The following CYP2C18 variants were observed in gnomAD, a reference collection of about 807,000 sequenced individuals.
The protein encoded by CYP2C18 is cytochrome P450 2C18.
In CYP2C18, 38 loss-of-function variants were observed where a neutral mutation model predicts 41.3. The ratio of observed to expected loss-of-function variants is 0.92; its 90% confidence interval spans 0.71 to 1.21. The LOEUF (loss-of-function observed/expected upper bound fraction) is 1.21. Ranked by LOEUF, CYP2C18 falls within the 50% of genes most tolerant of loss-of-function variation. CYP2C18 has a pLI of 0.00. For synonymous variants in CYP2C18, 236 were observed against 210.0 expected (o/e 1.12, Z -1.07); for missense variants, 635 against 591.4 (o/e 1.07, Z -0.77).
chr10:94,730,990 G>A (rs954884850), intron 7 of CYP2C18, among the ~76,000 whole-genome samples: 1 of 151,986 alleles, frequency 6.6e-6, no homozygotes, highest in African/African-American at 2.4e-5. Flanking sequence ...ATCTCTTTAA[G>A]GAAAACTGCA....
At chr10:94,727,263 G>A (rs116171901) in intron 7 of CYP2C18, among the ~76,000 whole-genome samples, 201 of 152,170 alleles carry the variant, frequency 1.3e-3, no homozygotes, top group African/African-American at 4.6e-3. Flanking sequence ...ATTTACTTGC[G>A]TGGAGTGAAT....
Position 94,712,008 on chromosome 10 carries a change from A to ATTTTTTTTTTTTTTTTTTTTTT in CYP2C18, c.819+5068_819+5069insTTTTTTTTTTTTTTTTTTTTTT, listed in dbSNP as rs35672164. Among the ~76,000 whole-genome samples the ATTTTTTTTTTTTTTTTTTTTTT allele has an allele frequency of 7.1e-4, 69 of 97,866 alleles. 5 individuals carry two copies. Among genetic ancestry groups the ATTTTTTTTTTTTTTTTTTTTTT allele is most frequent in the Admixed American group, 2.4e-3 (22 of 9,330 alleles). The allele number at this position is 97,866 out of a possible 152,430, so 64.2% of individuals were successfully genotyped here. The stretch of plus-strand genomic sequence containing the variant: ...AGGTGCATGCCACCATGCCCAACTA[A>ATTTTTTTTTTTTTTTTTTTTTT]TTTTTTTTTTTTTTTTTTTTGTAGA... On this transcript the variant is annotated intron_variant, in intron 5 of 8. Coordinates refer to ENST00000285979, the MANE Select transcript of CYP2C18 (RefSeq NM_000772.3).
rs376389513 is a variant in CYP2C18, at chr10:94,732,579, C to T, written c.1150-718C>T. Among the ~76,000 whole-genome samples the T allele has an allele frequency of 1.7e-3, 259 of 152,208 alleles. 3 individuals are homozygous for T. The highest frequency in any genetic ancestry group is 7.5e-3 in the South Asian group (36 of 4,814). On this transcript the variant is annotated intron_variant, in intron 7 of 8. Coordinates refer to ENST00000285979, the MANE Select transcript of CYP2C18 (RefSeq NM_000772.3). ...AAGGATTGGAATCATCCCAAATGCCCATCCACAGTGGACTGGATAAAGAAA... is the reference window on the plus strand; with the variant it reads ...AAGGATTGGAATCATCCCAAATGCCTATCCACAGTGGACTGGATAAAGAAA...
intron 7 of CYP2C18, among the ~76,000 whole-genome samples, chr10:94,731,247 G>A (rs567367535): frequency 2.0e-4 from 31 of 152,214 alleles, no homozygotes; most frequent in Non-Finnish European, 4.0e-4. Flanking sequence ...AGGCAAGGTG[G>A]CAAGTGCCTG....
At chr10:94,700,467 A>G (rs970841497) in intron 4 of CYP2C18, among the ~76,000 whole-genome samples, 1 of 152,216 alleles carries the variant, frequency 6.6e-6, no homozygotes, top group African/African-American at 2.4e-5. Context: ...CACCTTATAG[A>G]ACAATTCAAG....
chr10:94,717,945 G>T (rs940967943), intron 5 of CYP2C18, among the ~76,000 whole-genome samples: 1 of 151,858 alleles, frequency 6.6e-6, no homozygotes, highest in African/African-American at 2.4e-5. Flanking sequence ...GTATTTTTGT[G>T]GTTCTATATG....
intron 1 of CYP2C18, among the ~76,000 whole-genome samples, chr10:94,685,966 G>A (rs1412934717): frequency 2.6e-5 from 4 of 151,982 alleles, no homozygotes; most frequent in African/African-American, 4.8e-5. Flanking sequence ...CACTGAATCT[G>A]TATATTGCTT....
chr10:94,719,587 T>A (rs944736358), intron 5 of CYP2C18, among the ~76,000 whole-genome samples: 2 of 151,972 alleles, frequency 1.3e-5, no homozygotes, highest in East Asian at 1.9e-4. Context: ...TTTTTATTTT[T>A]TTTTTTGAGA....
intron 7 of CYP2C18, among the ~76,000 whole-genome samples, chr10:94,725,511 A>T (rs536252576): frequency 6.6e-6 from 1 of 152,164 alleles, no homozygotes; most frequent in South Asian, 2.1e-4. Flanking sequence ...CGTTGAATAA[A>T]TCATGATGGT....
intron 6 of CYP2C18, among the ~76,000 whole-genome samples, chr10:94,720,783 T>C (rs1434655417): frequency 6.6e-6 from 1 of 152,144 alleles, no homozygotes; most frequent in African/African-American, 2.4e-5. Context: ...TGGATTTTAG[T>C]GACTAAATAC....
chr10:94,685,024 T>TTTAATTAA (rs113927077), intron 1 of CYP2C18, among the ~76,000 whole-genome samples: 1 of 149,582 alleles, frequency 6.7e-6, no homozygotes, highest in Admixed American at 6.6e-5. Context: ...CCTTTGCCCA[T>TTTAATTAA]TTAATTAATT....
intron 4 of CYP2C18, among the ~76,000 whole-genome samples, chr10:94,698,158 C>T (rs1847158689): frequency 6.6e-6 from 1 of 152,150 alleles, no homozygotes; most frequent in African/African-American, 2.4e-5. Context: ...AACTCTCCAC[C>T]CCAAATCAAC....
intron 7 of CYP2C18, among the ~76,000 whole-genome samples, chr10:94,732,082 C>T (rs1030869308): frequency 9.2e-5 from 14 of 152,118 alleles, no homozygotes; most frequent in Non-Finnish European, 1.8e-4. Context: ...GCAAACTATG[C>T]ATCTGACAAA....
chr10:94,729,144 G>C (rs1847790318), intron 7 of CYP2C18, among the ~76,000 whole-genome samples: 1 of 152,090 alleles, frequency 6.6e-6, no homozygotes, highest in South Asian at 2.1e-4. Context: ...TGAAGAGAGG[G>C]CAACCAAATA....
intron 5 of CYP2C18, among the ~76,000 whole-genome samples, chr10:94,710,084 C>T (rs1177617092): frequency 6.6e-6 from 1 of 152,122 alleles, no homozygotes; most frequent in Admixed American, 6.6e-5. Flanking sequence ...ATTCTCCCAC[C>T]TCAGCCTCCT....
At chr10:94,719,293 C>T (rs1847607523) in intron 5 of CYP2C18, among the ~76,000 whole-genome samples, 1 of 152,134 alleles carries the variant, frequency 6.6e-6, no homozygotes. Context: ...ATTTATTTCA[C>T]ATACAGGGTG....
At chr10:94,689,107 TAAA>T (rs1846951023) in intron 3 of CYP2C18, among the ~76,000 whole-genome samples, 1 of 152,316 alleles carries the variant, frequency 6.6e-6, no homozygotes, top group East Asian at 1.9e-4. Context: ...AAGAAGTAAT[TAAA>T]ATTATCAGCT....
At chr10:94,684,952 A>C (rs1380229061) in intron 1 of CYP2C18, among the ~76,000 whole-genome samples, 6 of 152,006 alleles carry the variant, frequency 3.9e-5, no homozygotes, top group Admixed American at 2.6e-4. Flanking sequence ...AAATTTGTTG[A>C]GTATTTAAAA....
In CYP2C18 at chr10:94,688,255, G is replaced by A. The variant is rs1440103330; in HGVS notation, c.462G>A (p.Glu154=). The A allele has an allele frequency of 6.2e-7, 1 of 1,610,708 alleles. No homozygotes were observed. Reference sequence around the variant, plus strand: ...AAGAGGAAGCCCGCTGCCTTGTGGAGGAGTTGAGAAAAACCAATGGTGGGT... The same window carrying A: ...AAGAGGAAGCCCGCTGCCTTGTGGAAGAGTTGAGAAAAACCAATGGTGGGT... ...RVQEEARCLV[E]ELRKTNASPC... Residue 154 remains glutamate (E), a synonymous_variant, in exon 3 of 9, where the codon GAG becomes GAA. Transcript: ENST00000285979.
Sources: allele counts gnomAD v4.1 joint callset (sites outside exome capture counted in the v4.1 genomes callset), GRCh38; gene constraint gnomAD v4.1.1; transcripts MANE v1.5; gene names NCBI Gene and HGNC (gene_info 2026-07-23, HGNC 2026-07-21).